The following SMIM36 variants were observed in gnomAD, a reference collection of about 807,000 sequenced individuals.
The protein encoded by SMIM36 is small integral membrane protein 36.
At chr17:55,509,361 C>T (rs1910141819) in intron 1 of SMIM36, among the ~76,000 whole-genome samples, 1 of 152,162 alleles carries the variant, frequency 6.6e-6, no homozygotes, top group Admixed American at 6.5e-5. Flanking sequence ...CCTGTCCTAC[C>T]CTTCAAGATT....
intron 4 of SMIM36, among the ~76,000 whole-genome samples, chr17:55,463,396 G>A (rs1909179073): frequency 1.3e-5 from 2 of 151,826 alleles, no homozygotes; most frequent in South Asian, 4.2e-4. Flanking sequence ...CCTAAAAAAA[G>A]AAATAAAAAA....
chr17:55,509,828 A>G (rs1306942371), intron 1 of SMIM36, among the ~76,000 whole-genome samples: 1 of 152,306 alleles, frequency 6.6e-6, no homozygotes, highest in East Asian at 1.9e-4. Context: ...GGGAAAAAAC[A>G]TACCATTCAA....
At chr17:55,522,289 T>A in the SMIM36 span, among the ~76,000 whole-genome samples, 1 of 152,232 alleles carries the variant, frequency 6.6e-6, no homozygotes, top group East Asian at 1.9e-4. Flanking sequence ...TTCCTTCAGA[T>A]CATTGCTCAA....
At chr17:55,508,431 AAT>A (rs55879501) in intron 1 of SMIM36, among the ~76,000 whole-genome samples, 8,785 of 113,418 alleles carry the variant, frequency 0.077, 477 homozygotes, top group East Asian at 0.15. Flanking sequence ...TATTCCTAGG[AAT>A]ATATATATAT....
intron 1 of SMIM36, among the ~76,000 whole-genome samples, chr17:55,495,515 C>T (rs182083075): frequency 3.3e-5 from 5 of 152,082 alleles, no homozygotes; most frequent in African/African-American, 4.8e-5. Flanking sequence ...ATAGACTGGG[C>T]GTGGTGGCTC....
chr17:55,461,054 A>C (rs2143240084), intron 4 of SMIM36, among the ~76,000 whole-genome samples: 1 of 152,294 alleles, frequency 6.6e-6, no homozygotes, highest in South Asian at 2.1e-4. Context: ...GCACAGACTG[A>C]AGGTAATAAG....
At chr17:55,459,301 G>A (rs1458688214) in intron 4 of SMIM36, among the ~76,000 whole-genome samples, 3 of 152,166 alleles carry the variant, frequency 2.0e-5, no homozygotes, top group African/African-American at 7.2e-5. Flanking sequence ...CTGGGCTTGA[G>A]TCATCTCTCC....
chr17:55,530,455 G>A, the SMIM36 span, among the ~76,000 whole-genome samples: 1 of 152,174 alleles, frequency 6.6e-6, no homozygotes, highest in Non-Finnish European at 1.5e-5. Context: ...AGAGATTGTA[G>A]AGCTAATTAA....
At chr17:55,531,242 C>T in the SMIM36 span, among the ~76,000 whole-genome samples, 1 of 152,162 alleles carries the variant, frequency 6.6e-6, no homozygotes, top group Non-Finnish European at 1.5e-5. Context: ...ACCAAACTTC[C>T]CTCAATAATG....
upstream of SMIM36, among the ~76,000 whole-genome samples, chr17:55,514,619 C>T (rs938447053): frequency 6.6e-6 from 1 of 152,140 alleles, no homozygotes; most frequent in African/African-American, 2.4e-5. Flanking sequence ...ACATGCATAA[C>T]TTATTCTATG....
chr17:55,511,796 G>C (rs1910186510), upstream of SMIM36, among the ~76,000 whole-genome samples: 1 of 152,238 alleles, frequency 6.6e-6, no homozygotes, highest in Non-Finnish European at 1.5e-5. Flanking sequence ...TGATTTGGAA[G>C]ATTAGGTCAG....
the SMIM36 span, among the ~76,000 whole-genome samples, chr17:55,518,469 G>C: frequency 6.6e-6 from 1 of 152,310 alleles, no homozygotes; most frequent in East Asian, 1.9e-4. Context: ...TAAAGCTGCT[G>C]AGTGATCGAT....
chr17:55,471,741 C>T (rs1332683683), intron 3 of SMIM36, among the ~76,000 whole-genome samples: 2 of 152,104 alleles, frequency 1.3e-5, no homozygotes, highest in Non-Finnish European at 2.9e-5. Flanking sequence ...TTTTCCTTAC[C>T]ACAGCTGACA....
At chr17:55,521,954 A>G in the SMIM36 span, among the ~76,000 whole-genome samples, 1 of 150,634 alleles carries the variant, frequency 6.6e-6, no homozygotes, top group East Asian at 2.0e-4. Context: ...CACTTAGTCT[A>G]TTTTCAACAC....
chr17:55,504,006 A>G (rs1463060027), intron 1 of SMIM36, among the ~76,000 whole-genome samples: 2 of 87,110 alleles, frequency 2.3e-5, no homozygotes, highest in Non-Finnish European at 4.0e-5. Flanking sequence ...AAAGGGATCA[A>G]TTCAACAAGA....
At chr17:55,461,704 T>C (rs998487537) in intron 4 of SMIM36, among the ~76,000 whole-genome samples, 5 of 152,248 alleles carry the variant, frequency 3.3e-5, no homozygotes, top group Non-Finnish European at 7.3e-5. Context: ...CACATTTCTA[T>C]GAATTTCCAG....
At position 55,486,739 on chromosome 17, in the gene SMIM36, T is replaced by G. The variant is rs112388528; in HGVS notation, c.*175-7159A>C. 8.9e-3 allele frequency among the ~76,000 whole-genome samples: 1,352 copies of G among 152,288 alleles called. 21 individuals carry two copies. The highest frequency in any genetic ancestry group is 0.031 in the African/African-American group (1,279 of 41,552). On this transcript the variant is annotated intron_variant, in intron 1 of 4. Transcript: ENST00000636752. Reference sequence around the variant, plus strand: ...TGTTCTCCATTCTAAGAATTTCATCTCCAAGTCAAATTTCAATTCCCTATT... The same window carrying G: ...TGTTCTCCATTCTAAGAATTTCATCGCCAAGTCAAATTTCAATTCCCTATT...
the SMIM36 span, among the ~76,000 whole-genome samples, chr17:55,523,109 G>T: frequency 6.6e-6 from 1 of 152,144 alleles, no homozygotes; most frequent in African/African-American, 2.4e-5. Flanking sequence ...ACCTCAGAAT[G>T]TGACTGTATT....
chr17:55,512,325 G>A (rs1291843267), upstream of SMIM36, among the ~76,000 whole-genome samples: 1 of 152,216 alleles, frequency 6.6e-6, no homozygotes, highest in East Asian at 1.9e-4. Flanking sequence ...CACAAGGTGG[G>A]AGAGGTAGAC....
Sources: allele counts gnomAD v4.1 joint callset (sites outside exome capture counted in the v4.1 genomes callset), GRCh38; gene constraint gnomAD v4.1.1; transcripts MANE v1.5; gene names NCBI Gene and HGNC (gene_info 2026-07-23, HGNC 2026-07-21).